Variants in TWSG1 observed in about 807,000 individuals in gnomAD.
TWSG1 encodes twisted gastrulation protein homolog 1.
Under a neutral mutation model 23.0 loss-of-function variants are expected in TWSG1, and 15 were observed. The observed-to-expected ratio is 0.65, with a 90% CI of 0.44 to 1.00. The LOEUF (loss-of-function observed/expected upper bound fraction) is 1.00. Among genes scored for constraint, TWSG1 ranks in the 50% least tolerant of loss-of-function variants. The pLI is 0.00. For missense variants in TWSG1, 242 were observed against 278.7 expected, an observed-to-expected ratio of 0.87 and a Z score of 0.94; for synonymous variants, 86 against 92.8, an observed-to-expected ratio of 0.93 and a Z score of 0.42.
At chr18:9,383,755 G>A (rs980593693) in intron 3 of TWSG1, among the ~76,000 whole-genome samples, 1 of 152,206 alleles carries the variant, frequency 6.6e-6, no homozygotes, top group African/African-American at 2.4e-5. Context: ...GGTAGGTAAA[G>A]TAGGGTGGAT....
chr18:9,342,190 C>T (rs189764055), intron 2 of TWSG1, among the ~76,000 whole-genome samples: 3 of 152,274 alleles, frequency 2.0e-5, no homozygotes, highest in South Asian at 2.1e-4. Context: ...GAATTTGGAT[C>T]CAGTTCTGCC....
intron 3 of TWSG1, 133 bp from the exon 4 acceptor site, chr18:9,396,147 C>CAAAAAA (rs58754446): frequency 4.2e-6 from 2 of 474,278 alleles, no homozygotes; most frequent in African/African-American, 2.9e-5. Context: ...GCTCACCCAG[C>CAAAAAA]AAAAAAAAAA....
intron 1 of TWSG1, 77 bp from the exon 2 acceptor site, chr18:9,337,116 A>G (rs2040426705): frequency 1.6e-6 from 2 of 1,249,314 alleles, no homozygotes; most frequent in African/African-American, 1.5e-5. Flanking sequence ...GTCTTAGTTT[A>G]TGTTTTGTTT....
Position 9,400,086 on chromosome 18 carries a change from T to C in TWSG1, c.*559T>C, listed in dbSNP as rs968773210. ...TCCCTTTTATGTTGGTTTTAAAAGGTAAATGCTTACCATATTTTATAATTG... is the reference window on the plus strand; with the variant it reads ...TCCCTTTTATGTTGGTTTTAAAAGGCAAATGCTTACCATATTTTATAATTG... On this transcript the variant is annotated 3_prime_UTR_variant, in exon 5 of 5. Transcript: ENST00000262120. 6 of 152,366 alleles carry C rather than the reference T, an allele frequency of 3.9e-5. No individual in the cohort carries two copies. The highest frequency in any genetic ancestry group is 1.4e-4 in the African/African-American group (6 of 41,466). The allele number at this position is 152,366 out of a possible 1,614,324, so 9.4% of individuals were successfully genotyped here. A position where few individuals can be genotyped will look rare whatever the true frequency, so the allele number is the denominator to read the frequency against.
intron 2 of TWSG1, among the ~76,000 whole-genome samples, chr18:9,337,890 G>A (rs985590684): frequency 2.0e-5 from 3 of 152,224 alleles, no homozygotes; most frequent in African/African-American, 7.2e-5. Flanking sequence ...TTGCAGGCAA[G>A]TTGTTGGCTG....
chr18:9,390,248 C>G (rs1029334926), intron 3 of TWSG1, among the ~76,000 whole-genome samples: 3 of 151,910 alleles, frequency 2.0e-5, no homozygotes, highest in Admixed American at 1.3e-4. Flanking sequence ...GCAACCTCCG[C>G]CCCTCCAGGT....
intron 2 of TWSG1, among the ~76,000 whole-genome samples, chr18:9,355,251 C>T (rs914092184): frequency 1.1e-4 from 17 of 152,166 alleles, no homozygotes; most frequent in African/African-American, 3.9e-4. Flanking sequence ...CCACCACACC[C>T]GGCCTAAAGT....
chr18:9,396,643 T>A, intron 4 of TWSG1, 97 bp downstream of exon 4: 1 of 1,446,556 alleles, frequency 6.9e-7, no homozygotes, highest in Non-Finnish European at 9.2e-7. Flanking sequence ...TGGAGCAGCC[T>A]TTTGGTTTTG....
chr18:9,349,726 G>T (rs2040493005), intron 2 of TWSG1, among the ~76,000 whole-genome samples: 1 of 152,088 alleles, frequency 6.6e-6, no homozygotes, highest in Admixed American at 6.5e-5. Context: ...TAGTTATCTT[G>T]ATTTGTTAGT....
At chr18:9,344,974 G>T (rs956085004) in intron 2 of TWSG1, among the ~76,000 whole-genome samples, 13 of 152,044 alleles carry the variant, frequency 8.6e-5, no homozygotes, top group Non-Finnish European at 1.6e-4. Context: ...GCCCAGGCTG[G>T]TCTTGAACTC....
At chr18:9,336,460 A>G (rs1297598555) in intron 1 of TWSG1, among the ~76,000 whole-genome samples, 1 of 152,046 alleles carries the variant, frequency 6.6e-6, no homozygotes, top group Non-Finnish European at 1.5e-5. Flanking sequence ...GCAATTAGTA[A>G]TTAAACAGCC....
chr18:9,371,772 C>CTTTT (rs11379317), intron 3 of TWSG1, among the ~76,000 whole-genome samples: 3 of 134,758 alleles, frequency 2.2e-5, no homozygotes, highest in African/African-American at 5.5e-5. Context: ...CATTTTTATT[C>CTTTT]TTTTTTTTTT....
rs1259656441 is a variant in TWSG1, at chr18:9,401,039, AT to A, written c.*1515del. Reference sequence around the variant, plus strand: ...CTGAATAGTAGTTAGTTAAAAGATCATTTGTAATATTATGATCAACTGTTAT... The same window carrying A: ...CTGAATAGTAGTTAGTTAAAAGATCATTGTAATATTATGATCAACTGTTAT... On this transcript the variant is annotated 3_prime_UTR_variant, in exon 5 of 5. Coordinates refer to ENST00000262120, the MANE Select transcript of TWSG1 (RefSeq NM_020648.6). 2.0e-5 allele frequency: 3 copies of A among 152,218 alleles called. No individual in the cohort carries two copies. Among genetic ancestry groups the A allele is most frequent in the Non-Finnish European group, 4.4e-5 (3 of 68,022 alleles). 9.4% of individuals were successfully genotyped at this position (152,218 alleles called of 1,614,324 possible).
chr18:9,391,045 C>CTGA (rs2040709967), intron 3 of TWSG1, among the ~76,000 whole-genome samples: 2 of 152,146 alleles, frequency 1.3e-5, no homozygotes, highest in Admixed American at 1.3e-4. Flanking sequence ...GGAGTCAATC[C>CTGA]TGAAACCCTG....
At chr18:9,375,543 A>C (rs1189642409) in intron 3 of TWSG1, among the ~76,000 whole-genome samples, 1 of 152,228 alleles carries the variant, frequency 6.6e-6, no homozygotes, top group Non-Finnish European at 1.5e-5. Context: ...AGGAAGAAAT[A>C]AAACTATCTT....
chr18:9,343,228 A>G (rs1598820058), intron 2 of TWSG1, among the ~76,000 whole-genome samples: 1 of 10,376 alleles, frequency 9.6e-5, no homozygotes, highest in Non-Finnish European at 2.1e-4. Flanking sequence ...ATATATATAT[A>G]TATATATATA....
chr18:9,353,573 C>A (rs138384666), intron 2 of TWSG1, among the ~76,000 whole-genome samples: 1 of 152,102 alleles, frequency 6.6e-6, no homozygotes, highest in Non-Finnish European at 1.5e-5. Context: ...AATTATTGAA[C>A]AACGTGTCTA....
chr18:9,395,226 C>T (rs116557495), intron 3 of TWSG1, among the ~76,000 whole-genome samples: 1 of 152,296 alleles, frequency 6.6e-6, no homozygotes, highest in African/African-American at 2.4e-5. Flanking sequence ...AACATCACCA[C>T]CTCCCATCAC....
intron 3 of TWSG1, among the ~76,000 whole-genome samples, chr18:9,369,116 C>T (rs1210087655): frequency 1.0e-5 from 1 of 100,230 alleles, no homozygotes; most frequent in East Asian, 2.8e-4. Context: ...TCAAAACAAA[C>T]AAACAAACAA....
Sources: allele counts gnomAD v4.1 joint callset (sites outside exome capture counted in the v4.1 genomes callset), GRCh38; gene constraint gnomAD v4.1.1; transcripts MANE v1.5; gene names NCBI Gene and HGNC (gene_info 2026-07-23, HGNC 2026-07-21).